The following LINGO2 variants were observed in gnomAD, a reference collection of about 807,000 sequenced individuals.
LINGO2 encodes leucine-rich repeat and immunoglobulin-like domain-containing nogo receptor-interacting protein 2.
A neutral mutation model predicts 30.6 loss-of-function variants in LINGO2; 14 were observed. The observed-to-expected ratio is 0.46, with a 90% CI of 0.30 to 0.72. The LOEUF is 0.72. LINGO2 is among the 30% of genes least tolerant of loss of function. The pLI is 0.07. For missense variants in LINGO2, 729 were observed against 751.7 expected (o/e 0.97, Z 0.35); for synonymous variants, 317 against 288.5 (o/e 1.10, Z -1.00).
chr9:28,702,972 T>C, the LINGO2 span, among the ~76,000 whole-genome samples: 2 of 151,858 alleles, frequency 1.3e-5, no homozygotes, highest in Admixed American at 1.3e-4. Context: ...GTATCTGTAG[T>C]GAGGTTACCT....
At chr9:29,046,442 G>C in the LINGO2 span, among the ~76,000 whole-genome samples, 2 of 152,012 alleles carry the variant, frequency 1.3e-5, no homozygotes, top group Admixed American at 6.6e-5. Flanking sequence ...CAGAAATAAG[G>C]CTGCACATCT....
the LINGO2 span, among the ~76,000 whole-genome samples, chr9:29,144,921 A>T: frequency 6.6e-6 from 1 of 152,070 alleles, no homozygotes; most frequent in Non-Finnish European, 1.5e-5. Flanking sequence ...AACAGTTTTT[A>T]TTGCTTTTTT....
intron 4 of LINGO2, among the ~76,000 whole-genome samples, chr9:28,169,778 C>T (rs1198625417): frequency 6.6e-6 from 1 of 152,064 alleles, no homozygotes; most frequent in Non-Finnish European, 1.5e-5. Flanking sequence ...AAAGAATATG[C>T]TGTTTTATGT....
the LINGO2 span, among the ~76,000 whole-genome samples, chr9:28,853,187 A>G: frequency 1.3e-5 from 2 of 152,032 alleles, no homozygotes; most frequent in Non-Finnish European, 1.5e-5. Context: ...TGTGCATTGG[A>G]TAATGCAGAG....
chr9:29,067,095 T>C, the LINGO2 span, among the ~76,000 whole-genome samples: 1 of 151,884 alleles, frequency 6.6e-6, no homozygotes, highest in Non-Finnish European at 1.5e-5. Context: ...CATTGAGATA[T>C]GCTTTGTACA....
intron 1 of LINGO2, among the ~76,000 whole-genome samples, chr9:28,610,034 G>GTCTATTT (rs1288402585): frequency 2.0e-5 from 3 of 152,006 alleles, no homozygotes; most frequent in Non-Finnish European, 2.9e-5. Flanking sequence ...GATCTGGAAG[G>GTCTATTT]ACACATACCC....
the LINGO2 span, among the ~76,000 whole-genome samples, chr9:28,994,976 A>C: frequency 6.6e-6 from 1 of 152,280 alleles, no homozygotes; most frequent in African/African-American, 2.4e-5. Flanking sequence ...CTTCATGTCT[A>C]AAACACCAAA....
intron 4 of LINGO2, among the ~76,000 whole-genome samples, chr9:28,034,544 T>C (rs369979930): frequency 2.0e-5 from 3 of 152,178 alleles, no homozygotes; most frequent in East Asian, 3.9e-4. Flanking sequence ...TATCCTTATG[T>C]GTGATATTTG....
the LINGO2 span, among the ~76,000 whole-genome samples, chr9:28,850,330 G>C: frequency 2.6e-5 from 4 of 151,940 alleles, no homozygotes; most frequent in Non-Finnish European, 5.9e-5. Context: ...CAGACGGAGA[G>C]ATATAGCTGA....
At chr9:28,670,955 G>A (rs1372142188), upstream of LINGO2, among the ~76,000 whole-genome samples, 1 of 152,046 alleles carries the variant, frequency 6.6e-6, no homozygotes, top group African/African-American at 2.4e-5. Flanking sequence ...AACTTTTACA[G>A]TTTCAATTAT....
chr9:27,970,098 A>G (rs1313653199), intron 5 of LINGO2, among the ~76,000 whole-genome samples: 1 of 152,202 alleles, frequency 6.6e-6, no homozygotes, highest in Non-Finnish European at 1.5e-5. Context: ...GTACATTTGT[A>G]TCTGCTCTGT....
chr9:27,963,001 A>G (rs1052958454), intron 5 of LINGO2, among the ~76,000 whole-genome samples: 6 of 152,180 alleles, frequency 3.9e-5, no homozygotes, highest in Admixed American at 2.6e-4. Context: ...TAAGGAACAC[A>G]AATCAAAATA....
chr9:28,548,520 A>G (rs577851478), intron 1 of LINGO2, among the ~76,000 whole-genome samples: 5 of 152,002 alleles, frequency 3.3e-5, no homozygotes, highest in Non-Finnish European at 7.4e-5. Flanking sequence ...CCTGGCCAAC[A>G]TGGTGAAACC....
intron 4 of LINGO2, among the ~76,000 whole-genome samples, chr9:28,124,908 T>C (rs1192820182): frequency 6.6e-6 from 1 of 152,206 alleles, no homozygotes; most frequent in Non-Finnish European, 1.5e-5. Flanking sequence ...GGGAAGACTG[T>C]TTAGAAGATA....
chr9:28,563,713 T>A (rs4517208), intron 1 of LINGO2, among the ~76,000 whole-genome samples: 3,892 of 152,250 alleles, frequency 0.026, 84 homozygotes, highest in African/African-American at 0.056. Flanking sequence ...TAAGTCCTCA[T>A]GAAAAATCAT....
the LINGO2 span, among the ~76,000 whole-genome samples, chr9:28,868,621 C>A: frequency 2.0e-5 from 3 of 152,006 alleles, no homozygotes; most frequent in Non-Finnish European, 4.4e-5. Context: ...ATGAGTGCCC[C>A]TTTGGAAAGG....
intron 4 of LINGO2, among the ~76,000 whole-genome samples, chr9:28,048,844 C>T (rs924565892): frequency 1.3e-5 from 2 of 150,150 alleles, no homozygotes; most frequent in East Asian, 3.9e-4. Flanking sequence ...ATATATGTAA[C>T]TATATATATA....
chr9:28,451,832 ACTGT>A (rs1564207682), intron 2 of LINGO2, among the ~76,000 whole-genome samples: 2 of 151,828 alleles, frequency 1.3e-5, no homozygotes, highest in South Asian at 4.1e-4. Flanking sequence ...AAATAATTGT[ACTGT>A]CTTTTATAAA....
Position 28,228,301 on chromosome 9 carries a change from G to A in LINGO2, c.-87+66907C>T, listed in dbSNP as rs1055687032. 1.5e-4 allele frequency among the ~76,000 whole-genome samples: 23 copies of A among 151,910 alleles called. 1 individual carries two copies. Among genetic ancestry groups the A allele is most frequent in the African/African-American group, 4.8e-4 (20 of 41,404 alleles). On this transcript the variant is annotated intron_variant, in intron 4 of 5. Transcript: ENST00000379992. ...CCTCCATTTTTAGAAAGCTCTCAGT[G>A]TTAGAGAGATCAACATTTTACCCAG...
Sources: allele counts gnomAD v4.1 joint callset (sites outside exome capture counted in the v4.1 genomes callset), GRCh38; gene constraint gnomAD v4.1.1; transcripts MANE v1.5; gene names NCBI Gene and HGNC (gene_info 2026-07-23, HGNC 2026-07-21).